Variants in ADAM10 observed in about 807,000 individuals in gnomAD.
The protein encoded by ADAM10 is ADAM metallopeptidase domain 10.
ADAM10 carries 17 observed loss-of-function variants against 90.1 expected under a neutral mutation model. That is an observed-to-expected ratio of 0.19 (90% CI 0.13 to 0.28). The LOEUF (loss-of-function observed/expected upper bound fraction) is 0.28. Among genes scored for constraint, ADAM10 ranks in the 10% least tolerant of loss-of-function variants. ADAM10 has a pLI of 1.00. For missense variants in ADAM10, 610 were observed against 914.3 expected (o/e 0.67, Z 4.29); for synonymous variants, 310 against 298.6 (o/e 1.04, Z -0.40).
intron 7 of ADAM10, among the ~76,000 whole-genome samples, chr15:58,643,271 G>C (rs1896463608): frequency 6.6e-6 from 1 of 152,014 alleles, no homozygotes; most frequent in Non-Finnish European, 1.5e-5. Context: ...TTCTCAAAAT[G>C]CCTAAAGTAT....
chr15:58,716,085 C>T (rs938277212), intron 2 of ADAM10, among the ~76,000 whole-genome samples: 1 of 152,082 alleles, frequency 6.6e-6, no homozygotes, highest in African/African-American at 2.4e-5. Flanking sequence ...GATTTTATAA[C>T]TTAAAAGTAA....
At chr15:58,675,230 G>C (rs1489387539) in intron 4 of ADAM10, among the ~76,000 whole-genome samples, 2 of 151,942 alleles carry the variant, frequency 1.3e-5, no homozygotes, top group African/African-American at 4.8e-5. Flanking sequence ...CCCCACAAAG[G>C]AAAATAAATA....
chr15:58,620,309 T>C (rs1227219835), intron 11 of ADAM10, among the ~76,000 whole-genome samples: 5 of 151,714 alleles, frequency 3.3e-5, no homozygotes, highest in African/African-American at 4.8e-5. Flanking sequence ...CTACTAAAAA[T>C]ACAAAAAACT....
intron 1 of ADAM10, among the ~76,000 whole-genome samples, chr15:58,728,888 G>A (rs971742093): frequency 1.3e-5 from 2 of 152,150 alleles, no homozygotes; most frequent in Admixed American, 1.3e-4. Context: ...TAGGACATAA[G>A]TAGTAAGAGA....
intron 1 of ADAM10, among the ~76,000 whole-genome samples, chr15:58,725,161 G>T (rs1418688604): frequency 6.6e-6 from 1 of 152,016 alleles, no homozygotes; most frequent in Non-Finnish European, 1.5e-5. Context: ...CCACACTCCA[G>T]CCTGGGCAAC....
chr15:58,600,680 G>T (rs975183482), intron 14 of ADAM10, among the ~76,000 whole-genome samples: 1 of 152,042 alleles, frequency 6.6e-6, no homozygotes, highest in Non-Finnish European at 1.5e-5. Context: ...AAAAATTATT[G>T]ATAAATTTAT....
intron 1 of ADAM10, among the ~76,000 whole-genome samples, chr15:58,747,112 G>A (rs1162992860): frequency 6.6e-6 from 1 of 152,132 alleles, no homozygotes; most frequent in Non-Finnish European, 1.5e-5. Flanking sequence ...GGAATTTACT[G>A]CTACAGCTGA....
chr15:58,611,480 T>C (rs1895435831), intron 12 of ADAM10: 1 of 331,522 alleles, frequency 3.0e-6, no homozygotes, highest in East Asian at 6.9e-5. Context: ...CTTTGAAGGT[T>C]TGATATTCAG....
chr15:58,741,924 T>A (rs543004261), intron 1 of ADAM10, among the ~76,000 whole-genome samples: 1 of 152,310 alleles, frequency 6.6e-6, no homozygotes, highest in African/African-American at 2.4e-5. Flanking sequence ...TGACACAGAC[T>A]ATCGATTCCA....
Position 58,691,285 on chromosome 15 carries a change from T to C in ADAM10, c.207-8971A>G, listed in dbSNP as rs1183105009. 2.4e-6 allele frequency: 3 copies of C among 1,249,308 alleles called. No individual in the cohort carries two copies. In the South Asian group the frequency reaches 3.7e-5, roughly 15 times the overall value. The allele number at this position is 1,249,308 out of a possible 1,614,324, so 77.4% of individuals were successfully genotyped here. A position where few individuals can be genotyped will look rare whatever the true frequency, so the allele number is the denominator to read the frequency against. The stretch of plus-strand genomic sequence containing the variant: ...TCCTCAGGTAGCTCCAGACCCTCCT[T>C]GGTAACTGACAGCAGGCTCTTCCCA... On this transcript the variant is annotated intron_variant, in intron 2 of 15. Transcript: ENST00000260408.
At chr15:58,639,486 G>A (rs1896357004) in intron 8 of ADAM10, among the ~76,000 whole-genome samples, 1 of 152,156 alleles carries the variant, frequency 6.6e-6, no homozygotes, top group East Asian at 1.9e-4. Context: ...AACCATTGAA[G>A]GGGCAAAGAG....
At chr15:58,644,968 C>T (rs1250827249) in intron 6 of ADAM10, among the ~76,000 whole-genome samples, 1 of 152,202 alleles carries the variant, frequency 6.6e-6, no homozygotes, top group Admixed American at 6.5e-5. Flanking sequence ...GTTTACCTAG[C>T]TGACCCCCAA....
At chr15:58,725,910 A>G (rs556782503) in intron 1 of ADAM10, among the ~76,000 whole-genome samples, 2 of 152,226 alleles carry the variant, frequency 1.3e-5, no homozygotes, top group African/African-American at 4.8e-5. Context: ...AGTAGCCTCC[A>G]TTAATAGAAA....
chr15:58,700,357 A>T (rs185066649), intron 2 of ADAM10, among the ~76,000 whole-genome samples: 1 of 152,246 alleles, frequency 6.6e-6, no homozygotes, highest in Non-Finnish European at 1.5e-5. Context: ...ACGTTTCAAC[A>T]AATTTTTTTA....
At chr15:58,632,762 T>C (rs1896138152) in intron 9 of ADAM10, among the ~76,000 whole-genome samples, 1 of 152,174 alleles carries the variant, frequency 6.6e-6, no homozygotes, top group South Asian at 2.1e-4. Context: ...AGAGAAAAGA[T>C]TTTAAAATAT....
rs1480930860 is a variant in ADAM10 at position 58,621,458 on chromosome 15, A to C, written c.1511+13T>G. On this transcript the variant is annotated intron_variant, in intron 11 of 15. Coordinates refer to ENST00000260408, the MANE Select transcript of ADAM10 (RefSeq NM_001110.4). ...TTACAAGAATGTTAACATCACTGAA[A>C]TTAGCAAGGTACCTGCACTGTTTCC... 2 of 1,614,004 alleles carry C rather than the reference A, an allele frequency of 1.2e-6. No individual in the cohort carries two copies. The highest frequency in any genetic ancestry group is 3.3e-5 in the Admixed American group (2 of 60,020).
rs767719110 is a variant in ADAM10, at chr15:58,729,902, C to A, written c.56-12175G>T. ...GCTTGAACCCAGGAGGCGGAGGCTG[C>A]GGCGAGCCAAGACCGTGCCACTGTA... On this transcript the variant is annotated intron_variant, in intron 1 of 15. Coordinates refer to ENST00000260408, the MANE Select transcript of ADAM10 (RefSeq NM_001110.4). Among the ~76,000 whole-genome samples, 5 of 150,700 alleles carry A rather than the reference C, an allele frequency of 3.3e-5. No homozygotes were observed. The South Asian group carries it at 1.0e-3, about 32-fold the overall frequency.
At chr15:58,605,208 C>T (rs1404706981) in intron 14 of ADAM10, among the ~76,000 whole-genome samples, 1 of 152,154 alleles carries the variant, frequency 6.6e-6, no homozygotes, top group Non-Finnish European at 1.5e-5. Flanking sequence ...GGCACTCAAG[C>T]CCTTCAGAAC....
At position 58,646,091 on chromosome 15, in the gene ADAM10, A is replaced by G. The variant is rs1896541451; in HGVS notation, c.699T>C (p.Phe233=). 2 of 1,613,636 alleles carry G rather than the reference A, an allele frequency of 1.2e-6. No homozygotes were observed. The highest frequency in any genetic ancestry group is 1.3e-5 in the African/African-American group (1 of 74,934). Residue 233 remains phenylalanine (F), a synonymous_variant, in exon 6 of 16, where the codon TTT becomes TTC. Coordinates refer to ENST00000260408, the MANE Select transcript of ADAM10 (RefSeq NM_001110.4). ...QLYIQTDHLF[F]KYYGTREAVI... is the part of the protein sequence containing the mutation. ...CAGCTTCTCGTGTTCCGTAATATTT[A>G]AAGAACAAATGATCAGTCTGAATAT...
Sources: gnomAD v4.1 joint callset for allele counts (sites outside exome capture counted in the v4.1 genomes callset) on GRCh38, gnomAD v4.1.1 for gene constraint, MANE v1.5 for transcripts, NCBI Gene and HGNC (gene_info 2026-07-23, HGNC 2026-07-21) for gene names.